Variants in EPHA6 observed in about 807,000 individuals in gnomAD.
The protein encoded by EPHA6 is EPH receptor A6.
In EPHA6, 50 loss-of-function variants were observed where a neutral mutation model predicts 112.0. The ratio of observed to expected loss-of-function variants is 0.45; its 90% confidence interval spans 0.36 to 0.56. The LOEUF (loss-of-function observed/expected upper bound fraction) is 0.56, where lower values mean the gene tolerates loss of function less well. Among genes scored for constraint, EPHA6 ranks in the 20% least tolerant of loss-of-function variants. EPHA6 has a pLI of 0.00. For missense variants in EPHA6, 1,280 were observed against 1,417.4 expected, an observed-to-expected ratio of 0.90 and a Z score of 1.56; for synonymous variants, 529 against 490.7, an observed-to-expected ratio of 1.08 and a Z score of -1.03.
chr3:96,820,437 A>G (rs1316899220), intron 1 of EPHA6, among the ~76,000 whole-genome samples: 1 of 152,026 alleles, frequency 6.6e-6, no homozygotes, highest in African/African-American at 2.4e-5. Context: ...GCATAGAGTG[A>G]TGTCGGTGGA....
At chr3:97,338,718 T>C (rs755824041) in intron 5 of EPHA6, among the ~76,000 whole-genome samples, 5 of 152,192 alleles carry the variant, frequency 3.3e-5, no homozygotes, top group Non-Finnish European at 7.3e-5. Context: ...AGGAAACTAC[T>C]GTTTGAAGTG....
chr3:97,627,771 ACAG>A (rs950638517), intron 13 of EPHA6, among the ~76,000 whole-genome samples: 69 of 152,060 alleles, frequency 4.5e-4, no homozygotes, highest in Non-Finnish European at 9.0e-4. Context: ...CATCTCTTGG[ACAG>A]CAATGATTCT....
chr3:97,094,916 T>G (rs2047188283), intron 3 of EPHA6, among the ~76,000 whole-genome samples: 1 of 152,068 alleles, frequency 6.6e-6, no homozygotes, highest in Non-Finnish European at 1.5e-5. Context: ...AAACCGGATT[T>G]CAGGGTCTGA....
intron 14 of EPHA6, among the ~76,000 whole-genome samples, chr3:97,642,352 G>A: frequency 7.8e-6 from 1 of 128,268 alleles, no homozygotes; most frequent in Non-Finnish European, 1.7e-5. Context: ...AAACAGAACA[G>A]AAAAACTGGA....
At chr3:97,369,887 A>G (rs1368664386) in intron 5 of EPHA6, among the ~76,000 whole-genome samples, 2 of 152,180 alleles carry the variant, frequency 1.3e-5, no homozygotes, top group Non-Finnish European at 2.9e-5. Flanking sequence ...TACCAGATAC[A>G]AAAAAATCAA....
At chr3:97,439,677 G>T in intron 6 of EPHA6, 2 of 973,484 alleles carry the variant, frequency 2.1e-6, no homozygotes, top group Non-Finnish European at 2.5e-6. Context: ...CTTCAGTGAT[G>T]TTTCTTTGTC....
intron 5 of EPHA6, among the ~76,000 whole-genome samples, chr3:97,251,063 T>C (rs2108596848): frequency 6.6e-6 from 1 of 152,006 alleles, no homozygotes; most frequent in Non-Finnish European, 1.5e-5. Flanking sequence ...AGACAGGGTT[T>C]CACCATGTTG....
chr3:96,976,200 T>C (rs1293734799), intron 2 of EPHA6, among the ~76,000 whole-genome samples: 1 of 152,124 alleles, frequency 6.6e-6, no homozygotes, highest in Non-Finnish European at 1.5e-5. Flanking sequence ...TGTCTAAAAG[T>C]GTATGCATAT....
chr3:97,539,406 G>A (rs1457528110), intron 11 of EPHA6, among the ~76,000 whole-genome samples: 8 of 151,916 alleles, frequency 5.3e-5, no homozygotes, highest in Non-Finnish European at 8.8e-5. Flanking sequence ...TCTTGGCCAC[G>A]GGAAGTGCTA....
At chr3:97,540,465 A>G (rs1383420047) in intron 11 of EPHA6, among the ~76,000 whole-genome samples, 1 of 152,224 alleles carries the variant, frequency 6.6e-6, no homozygotes, top group Non-Finnish European at 1.5e-5. Flanking sequence ...TCTTATAAGA[A>G]AAGAATAAAC....
At chr3:97,639,936 C>A (rs1576164566) in intron 14 of EPHA6, among the ~76,000 whole-genome samples, 1 of 145,046 alleles carries the variant, frequency 6.9e-6, no homozygotes, top group East Asian at 2.0e-4. Context: ...AATTAAATGG[C>A]AAATAATATA....
intron 11 of EPHA6, among the ~76,000 whole-genome samples, chr3:97,561,721 T>C (rs778880315): frequency 6.6e-6 from 1 of 152,120 alleles, no homozygotes; most frequent in Non-Finnish European, 1.5e-5. Context: ...TTCAATGTAG[T>C]TGGAACATAC....
intron 5 of EPHA6, among the ~76,000 whole-genome samples, chr3:97,294,425 G>A (rs1299697439): frequency 1.3e-5 from 2 of 152,196 alleles, no homozygotes; most frequent in African/African-American, 2.4e-5. Context: ...CAAGTGAAGT[G>A]TGTGTCTTCT....
chr3:97,502,575 C>G (rs2092147867), intron 10 of EPHA6, among the ~76,000 whole-genome samples: 1 of 151,858 alleles, frequency 6.6e-6, no homozygotes, highest in Admixed American at 6.6e-5. Flanking sequence ...TGGCTCACGC[C>G]TGTAATCCTA....
chr3:97,147,274 G>T (rs973430726), intron 3 of EPHA6, among the ~76,000 whole-genome samples: 4 of 152,106 alleles, frequency 2.6e-5, no homozygotes, highest in African/African-American at 9.7e-5. Context: ...ATCTAATTTT[G>T]TATAGTCATG....
At chr3:97,159,192 C>T (rs1392699338) in intron 3 of EPHA6, among the ~76,000 whole-genome samples, 2 of 152,106 alleles carry the variant, frequency 1.3e-5, no homozygotes, top group Non-Finnish European at 1.5e-5. Context: ...CTCCTGTATT[C>T]TAGATATACA....
At chr3:97,260,986 T>C (rs1331341168) in intron 5 of EPHA6, among the ~76,000 whole-genome samples, 1 of 152,232 alleles carries the variant, frequency 6.6e-6, no homozygotes, top group Non-Finnish European at 1.5e-5. Context: ...TAGCTTTGCA[T>C]GCCTAATTTC....
chr3:97,644,257 C>T (rs2094036847), intron 14 of EPHA6, among the ~76,000 whole-genome samples: 1 of 150,566 alleles, frequency 6.6e-6, no homozygotes, highest in South Asian at 2.2e-4. Context: ...AAAGACACAA[C>T]ATACCAGAAT....
In EPHA6 at chr3:97,627,346, G is replaced by A. The variant is rs2093866492; in HGVS notation, c.2575-10527G>A. On this transcript the variant is annotated intron_variant, in intron 13 of 17. Coordinates refer to ENST00000389672, the MANE Select transcript of EPHA6 (RefSeq NM_001080448.3). Reference sequence around the variant, plus strand: ...TTGCTGTGGAGAAAAATAAAGCAGGGAAAAGGCAAGTGGAGTTGAGAGTGG... The same window carrying A: ...TTGCTGTGGAGAAAAATAAAGCAGGAAAAAGGCAAGTGGAGTTGAGAGTGG... 2.6e-5 allele frequency among the ~76,000 whole-genome samples: 4 copies of A among 151,894 alleles called. No homozygotes were observed. In the South Asian group the frequency reaches 8.3e-4, roughly 32 times the overall value.
Sources: gnomAD v4.1 joint callset for allele counts (sites outside exome capture counted in the v4.1 genomes callset) on GRCh38, gnomAD v4.1.1 for gene constraint, MANE v1.5 for transcripts, NCBI Gene and HGNC (gene_info 2026-07-23, HGNC 2026-07-21) for gene names.